ANO2: variants seen among roughly 807,000 people sequenced by gnomAD.
ANO2 encodes anoctamin 2, also known as anoctamin-2.
ANO2 carries 101 observed loss-of-function variants against 124.2 expected under a neutral mutation model. The ratio of observed to expected loss-of-function variants is 0.81; its 90% confidence interval spans 0.69 to 0.96. The LOEUF is 0.96. Ranked by LOEUF, ANO2 falls within the 40% of genes least tolerant of loss-of-function variation. ANO2 has a pLI of 0.00. For synonymous variants in ANO2, 486 were observed against 482.5 expected (o/e 1.01, Z -0.09); for missense variants, 1,293 against 1,274.5 (o/e 1.01, Z -0.22).
At position 5,923,247 on chromosome 12, in the gene ANO2, TACACACACATACACACACAC is replaced by T. The variant is rs1230186304; in HGVS notation, c.23-463_23-444del. On this transcript the variant is annotated intron_variant, in intron 1 of 24. Transcript: ENST00000682330. ...ACACATGCACACATACACACACGCA[TACACACACATACACACACAC>T]ACACACACACACGCACACACACAGC... 2.4e-3 allele frequency among the ~76,000 whole-genome samples: 104 copies of T among 42,878 alleles called. 4 individuals carry two copies. The highest frequency in any genetic ancestry group is 0.014 in the Middle Eastern group (1 of 72). The allele number at this position is 42,878 out of a possible 152,430, so 28.1% of individuals were successfully genotyped here.
chr12:5,569,193 T>G (rs74759350), intron 23 of ANO2, among the ~76,000 whole-genome samples: 1 of 152,072 alleles, frequency 6.6e-6, no homozygotes. Flanking sequence ...TCCAGGTAAA[T>G]AGCATGAAAT....
chr12:5,789,704 T>C (rs1049925258), intron 10 of ANO2, among the ~76,000 whole-genome samples: 1 of 152,218 alleles, frequency 6.6e-6, no homozygotes, highest in African/African-American at 2.4e-5. Context: ...TTTTTTTTCC[T>C]TTCTTATGTG....
chr12:5,779,563 A>G (rs1952325461), intron 10 of ANO2, among the ~76,000 whole-genome samples: 1 of 152,204 alleles, frequency 6.6e-6, no homozygotes, highest in South Asian at 2.1e-4. Context: ...ACATAGTCCC[A>G]AGGGCCCTCC....
intron 1 of ANO2, 33 bp from the exon 2 acceptor site, chr12:5,922,837 G>A: frequency 1.4e-6 from 2 of 1,463,414 alleles, no homozygotes; most frequent in Admixed American, 2.5e-5. Context: ...AGGCAAAACA[G>A]CCTCAGGTGA....
At chr12:5,671,929 G>A (rs1032501038) in intron 14 of ANO2, among the ~76,000 whole-genome samples, 1 of 152,176 alleles carries the variant, frequency 6.6e-6, no homozygotes, top group Non-Finnish European at 1.5e-5. Flanking sequence ...ACACCAGGGA[G>A]CTTGGAAGAT....
chr12:5,782,797 T>C (rs906402690), intron 10 of ANO2, among the ~76,000 whole-genome samples: 10 of 152,200 alleles, frequency 6.6e-5, no homozygotes, highest in Non-Finnish European at 2.9e-5. Context: ...ACAGGGTATG[T>C]TGGGAGTTGA....
intron 3 of ANO2, among the ~76,000 whole-genome samples, chr12:5,916,545 A>T (rs1344389243): frequency 6.6e-6 from 1 of 150,822 alleles, no homozygotes; most frequent in African/African-American, 2.4e-5. Context: ...ATAAAGTGTG[A>T]ATTTTAGTTA....
chr12:5,565,780 G>A (rs1941714174), intron 23 of ANO2, 117 bp from the exon 24 acceptor site: 2 of 768,924 alleles, frequency 2.6e-6, no homozygotes, highest in Non-Finnish European at 4.1e-6. Context: ...CCTTGGCATT[G>A]ACTTGAGAAG....
intron 14 of ANO2, among the ~76,000 whole-genome samples, chr12:5,671,666 A>G (rs917592346): frequency 7.2e-5 from 11 of 152,176 alleles, no homozygotes; most frequent in Admixed American, 7.2e-4. Flanking sequence ...TTGGAAGTTC[A>G]ATCCTGGGAT....
chr12:5,571,753 T>G (rs1942136571), intron 23 of ANO2, among the ~76,000 whole-genome samples: 2 of 152,088 alleles, frequency 1.3e-5, no homozygotes, highest in Non-Finnish European at 1.5e-5. Context: ...CGGAATTATC[T>G]CAAGGATCTC....
intron 10 of ANO2, among the ~76,000 whole-genome samples, chr12:5,758,513 AGG>A (rs1312979939): frequency 6.6e-6 from 1 of 152,172 alleles, no homozygotes; most frequent in East Asian, 1.9e-4. Context: ...GGGGAGCGGG[AGG>A]GGCATGGAGA....
chr12:5,889,504 C>T (rs1414230321), intron 3 of ANO2, among the ~76,000 whole-genome samples: 2 of 152,244 alleles, frequency 1.3e-5, no homozygotes, highest in East Asian at 3.9e-4. Flanking sequence ...CATGGGTCAG[C>T]ATAATAAGTG....
At chr12:5,924,324 T>C (rs920298987) in intron 1 of ANO2, among the ~76,000 whole-genome samples, 1 of 152,222 alleles carries the variant, frequency 6.6e-6, no homozygotes, top group Admixed American at 6.5e-5. Context: ...GAAACACAAC[T>C]GTGACCAGCA....
intron 13 of ANO2, among the ~76,000 whole-genome samples, chr12:5,737,936 A>C (rs986975229): frequency 2.0e-5 from 3 of 152,244 alleles, no homozygotes; most frequent in African/African-American, 7.2e-5. Context: ...AGTTCATGAT[A>C]GTATTAGCCT....
intron 4 of ANO2, among the ~76,000 whole-genome samples, chr12:5,853,199 GC>G (rs1954973087): frequency 7.7e-6 from 1 of 130,534 alleles, no homozygotes; most frequent in South Asian, 2.5e-4. Flanking sequence ...GTGGGGTTTT[GC>G]TATGTTGCCC....
At chr12:5,899,336 G>A (rs1425821733) in intron 3 of ANO2, among the ~76,000 whole-genome samples, 1 of 152,136 alleles carries the variant, frequency 6.6e-6, no homozygotes, top group Non-Finnish European at 1.5e-5. Context: ...CACTTAGTGG[G>A]TTAGCAGCTG....
At chr12:5,586,551 A>C (rs1001607687) in intron 20 of ANO2, among the ~76,000 whole-genome samples, 1 of 152,194 alleles carries the variant, frequency 6.6e-6, no homozygotes, top group African/African-American at 2.4e-5. Flanking sequence ...GATCACTTAC[A>C]TCCAGCCTCT....
rs1944607509 is a variant in ANO2 at position 5,612,759 on chromosome 12, G to A, written c.1987-3C>T. ...ATGAGACAGCCCCCTGGAGCACACT[G>A]CAGGGAGAAGATAAGGAAAGGACCG... On this transcript the variant is annotated splice_polypyrimidine_tract_variant and splice_region_variant and intron_variant, in intron 18 of 24. Transcript: ENST00000682330. The A allele has an allele frequency of 6.2e-7, 1 of 1,613,196 alleles. No homozygotes were observed. Among genetic ancestry groups the A allele is most frequent in the Non-Finnish European group, 8.5e-7 (1 of 1,179,228 alleles).
chr12:5,848,914 A>T (rs557741949), intron 4 of ANO2, among the ~76,000 whole-genome samples: 2 of 152,296 alleles, frequency 1.3e-5, no homozygotes, highest in South Asian at 4.1e-4. Context: ...AGCAGTAACA[A>T]CGGCAATTCT....
Sources: gnomAD v4.1 joint callset for allele counts (sites outside exome capture counted in the v4.1 genomes callset) on GRCh38, gnomAD v4.1.1 for gene constraint, MANE v1.5 for transcripts, NCBI Gene and HGNC (gene_info 2026-07-23, HGNC 2026-07-21) for gene names.